BTN2A1: variants seen among roughly 807,000 people sequenced by gnomAD.
BTN2A1 encodes butyrophilin, subfamily 2, member A1.
A neutral mutation model predicts 34.5 loss-of-function variants in BTN2A1; 41 were observed. The ratio of observed to expected loss-of-function variants is 1.19; its 90% confidence interval spans 0.93 to 1.54. The LOEUF (loss-of-function observed/expected upper bound fraction) is 1.54, where lower values mean the gene tolerates loss of function less well. BTN2A1 is among the 40% of genes most tolerant of loss of function. BTN2A1 has a pLI of 0.00. For synonymous variants in BTN2A1, 267 were observed against 258.6 expected (o/e 1.03, Z -0.31); for missense variants, 642 against 662.0 (o/e 0.97, Z 0.33).
downstream of BTN2A1, among the ~76,000 whole-genome samples, chr6:26,470,205 G>A (rs1479889257): frequency 6.6e-6 from 1 of 152,168 alleles, no homozygotes; most frequent in Non-Finnish European, 1.5e-5. Flanking sequence ...AAATTAGCCA[G>A]GCATGGTGGC....
At chr6:26,464,677 G>A (rs1339243199) in intron 4 of BTN2A1, among the ~76,000 whole-genome samples, 2 of 152,162 alleles carry the variant, frequency 1.3e-5, no homozygotes, top group Non-Finnish European at 2.9e-5. Flanking sequence ...AGTGCAGGAA[G>A]TGAAAGGAGA....
At chr6:26,470,244 G>A (rs575087629), downstream of BTN2A1, among the ~76,000 whole-genome samples, 1 of 152,268 alleles carries the variant, frequency 6.6e-6, no homozygotes, top group South Asian at 2.1e-4. Context: ...CTACTCAGGA[G>A]GCTGAGACAG....
rs776217174 is a variant in BTN2A1 at position 26,459,835 on chromosome 6, C to T, written c.430+7C>T. ...CTGCACCTCGTAGTGGCAGGTGCGTCGCTTCATTTTGCTTTGTTACTTTGG... is the reference window on the plus strand; with the variant it reads ...CTGCACCTCGTAGTGGCAGGTGCGTTGCTTCATTTTGCTTTGTTACTTTGG... On this transcript the variant is annotated splice_region_variant and intron_variant, in intron 3 of 7. Coordinates refer to ENST00000312541, the MANE Select transcript of BTN2A1 (RefSeq NM_007049.5). 1.0e-5 allele frequency: 16 copies of T among 1,607,104 alleles called. No individual in the cohort carries two copies. In the South Asian group the frequency reaches 1.3e-4, roughly 13 times the overall value.
chr6:26,475,387 C>T (rs1173420304), intron 7 of BTN2A1, among the ~76,000 whole-genome samples: 5 of 152,152 alleles, frequency 3.3e-5, no homozygotes, highest in Admixed American at 6.5e-5. Flanking sequence ...GCCTTAATCA[C>T]CTTAACAGCA....
Position 26,468,685 on chromosome 6 carries a change from C to T in BTN2A1, c.*136C>T. On this transcript the variant is annotated 3_prime_UTR_variant, in exon 8 of 8. Coordinates refer to ENST00000312541, the MANE Select transcript of BTN2A1 (RefSeq NM_007049.5). Reference sequence around the variant, plus strand: ...GAACATCTTCCAGCTGCCTCTTTCACACCCACTACAGACCTCAGCCCCAGT... The same window carrying T: ...GAACATCTTCCAGCTGCCTCTTTCATACCCACTACAGACCTCAGCCCCAGT... The T allele has an allele frequency of 6.2e-7, 1 of 1,613,370 alleles. No homozygotes were observed.
At position 26,465,959 on chromosome 6, in the gene BTN2A1, T is replaced by G; in HGVS notation, c.941T>G (p.Leu314Arg). 6.2e-7 allele frequency: 1 copy of G among 1,614,268 alleles called. No individual in the cohort carries two copies. The highest frequency in any genetic ancestry group is 8.5e-7 in the Non-Finnish European group (1 of 1,180,042). Residue 314 changes from leucine (L) to arginine (R), a missense_variant, in exon 6 of 8, where the codon CTT (leucine) becomes CGT (arginine). Physicochemically the swap from Leu to Arg is moderately radical, Grantham distance 102. Transcript: ENST00000312541. ...TTCTTTGTTTGTTTTTCAGAGAAACTTCAAGAAGAATTGCGTAAGTTTAGC... is the reference window on the plus strand; with the variant it reads ...TTCTTTGTTTGTTTTTCAGAGAAACGTCAAGAAGAATTGCGTAAGTTTAGC... ...KEEELQVKEK[L>R]QEELRWRRTF...
chr6:26,476,377 T>C, exon 8 of BTN2A1: 1 of 745,724 alleles, frequency 1.3e-6, no homozygotes, highest in South Asian at 1.4e-5. Flanking sequence ...AGGTCGAAGA[T>C]GGCAGTTTTC....
chr6:26,464,283 A>G (rs538752873), intron 4 of BTN2A1, among the ~76,000 whole-genome samples: 3 of 152,328 alleles, frequency 2.0e-5, no homozygotes, highest in East Asian at 3.9e-4. Flanking sequence ...CAAATGGTCA[A>G]GAAGCATATC....
Position 26,459,537 on chromosome 6 carries a change from A to G in BTN2A1, c.139A>G (p.Thr47Ala), listed in dbSNP as rs1354819974. The change falls in exon 3 of 8, where the codon ACT becomes GCT. Residue 47 changes from threonine (T) to alanine (A), a missense_variant. Transcript: ENST00000312541. ...CATCTTGGCCACGGTTGGAGAAAAC[A>G]CTACGTTACGCTGCCATCTGTCACC... ...DPILATVGEN[T>A]TLRCHLSPEK... The G allele has an allele frequency of 1.2e-6, 2 of 1,613,884 alleles. No individual in the cohort carries two copies. The highest frequency in any genetic ancestry group is 1.1e-5 in the South Asian group (1 of 91,078).
intron 3 of BTN2A1, among the ~76,000 whole-genome samples, chr6:26,460,487 G>A (rs527264247): frequency 2.0e-5 from 3 of 152,250 alleles, no homozygotes; most frequent in Non-Finnish European, 2.9e-5. Flanking sequence ...GAAAGACTAC[G>A]AATTTTGCTG....
intron 7 of BTN2A1, among the ~76,000 whole-genome samples, chr6:26,466,770 A>G (rs1434214672): frequency 2.6e-5 from 4 of 152,208 alleles, no homozygotes; most frequent in Non-Finnish European, 5.9e-5. Context: ...GAATTTCAAA[A>G]TTGCCACTGT....
rs1376902534 is a variant in BTN2A1 at position 26,465,214 on chromosome 6, G to A, written c.742G>A (p.Ala248Thr). ...ESFMPSVSPC[A>T]VALPIIVVIL... The stretch of plus-strand genomic sequence containing the variant: ...CTTTATGCCCAGTGTGTCTCCCTGT[G>A]CAGTGGCCCTGCCTATCATTGTGGT... The change falls in exon 5 of 8, where the codon GCA becomes ACA. Residue 248 changes from alanine to threonine, a missense_variant. Ala to Thr is a moderately conservative substitution (Grantham distance 58, BLOSUM62 0). Coordinates refer to ENST00000312541, the MANE Select transcript of BTN2A1 (RefSeq NM_007049.5). 1 of 1,614,016 alleles carries A rather than the reference G, an allele frequency of 6.2e-7. No homozygotes were observed.
chr6:26,458,790 A>G, intron 2 of BTN2A1, 72 bp downstream of exon 2: 4 of 1,557,930 alleles, frequency 2.6e-6, no homozygotes, highest in Non-Finnish European at 3.5e-6. Context: ...GCAAAGGGAA[A>G]GAAAGAAGGA....
downstream of BTN2A1, among the ~76,000 whole-genome samples, chr6:26,471,754 C>T (rs1446362388): frequency 1.3e-5 from 2 of 152,094 alleles, no homozygotes. Context: ...AGGAGCAAGA[C>T]GGGAGTGGTA....
exon 8 of BTN2A1, chr6:26,476,239 T>A (rs1763536588): frequency 6.9e-7 from 1 of 1,441,380 alleles, no homozygotes; most frequent in South Asian, 1.2e-5. Flanking sequence ...CAGATGCAAA[T>A]GACCAGAGCA....
downstream of BTN2A1, among the ~76,000 whole-genome samples, chr6:26,473,130 G>A (rs1763479271): frequency 6.6e-6 from 1 of 152,080 alleles, no homozygotes; most frequent in Non-Finnish European, 1.5e-5. Context: ...TGGCTTTCAG[G>A]CTTTAAACTG....
rs1347712879 is a variant in BTN2A1 at position 26,463,303 on chromosome 6, G to C, written c.490G>C (p.Glu164Gln). The C allele has an allele frequency of 6.2e-7, 1 of 1,613,780 alleles. No homozygotes were observed. The highest frequency in any genetic ancestry group is 8.5e-7 in the Non-Finnish European group (1 of 1,179,904). The part of the protein sequence containing the change: ...RGHEDGGIRL[E>Q]CISRGWYPKP... ...CCATGAAGACGGGGGCATCCGGCTGGAGTGCATATCTAGAGGGTGGTACCC... is the reference window on the plus strand; with the variant it reads ...CCATGAAGACGGGGGCATCCGGCTGCAGTGCATATCTAGAGGGTGGTACCC... Residue 164 changes from glutamate (E) to glutamine (Q), a missense_variant, in exon 4 of 8, where the codon GAG becomes CAG. Transcript: ENST00000312541.
At chr6:26,471,203 T>G (rs115382057), downstream of BTN2A1, among the ~76,000 whole-genome samples, 300 of 152,370 alleles carry the variant, frequency 2.0e-3, no homozygotes, top group Middle Eastern at 6.8e-3. Context: ...AAAACAGGGT[T>G]GTTTATGTGC....
chr6:26,464,620 T>C (rs1763258904), intron 4 of BTN2A1, among the ~76,000 whole-genome samples: 1 of 152,126 alleles, frequency 6.6e-6, no homozygotes, highest in Admixed American at 6.5e-5. Flanking sequence ...TCTCTGGCAG[T>C]TTCCAGGACC....
Sources: allele counts gnomAD v4.1 joint callset (sites outside exome capture counted in the v4.1 genomes callset), GRCh38; gene constraint gnomAD v4.1.1; transcripts MANE v1.5; gene names NCBI Gene and HGNC (gene_info 2026-07-23, HGNC 2026-07-21).